The following RAD17 variants were observed in gnomAD, a reference collection of about 807,000 sequenced individuals.
RAD17 encodes RAD17 checkpoint clamp loader component, also known as cell cycle checkpoint protein RAD17.
RAD17 carries 31 observed loss-of-function variants against 81.5 expected under a neutral mutation model. The ratio of observed to expected loss-of-function variants is 0.38; its 90% CI spans 0.29 to 0.51. RAD17 has a LOEUF of 0.51. RAD17 is among the 20% of genes least tolerant of loss of function. The pLI is 0.88. For synonymous variants in RAD17, 261 were observed against 266.2 expected (o/e 0.98, Z 0.19); for missense variants, 681 against 781.2 (o/e 0.87, Z 1.53).
At chr5:69,410,849 T>C (rs1469645404) in intron 18 of RAD17, among the ~76,000 whole-genome samples, 1 of 151,794 alleles carries the variant, frequency 6.6e-6, no homozygotes, top group Non-Finnish European at 1.5e-5. Context: ...TGTTGAGAGA[T>C]GTTCTTAGCC....
chr5:69,411,532 G>A (rs1765999865), intron 18 of RAD17, among the ~76,000 whole-genome samples: 1 of 152,180 alleles, frequency 6.6e-6, no homozygotes, highest in Non-Finnish European at 1.5e-5. Flanking sequence ...GAAAACTCCT[G>A]TGATGTGAGC....
In RAD17 at chr5:69,414,017, T is replaced by C; in HGVS notation, c.1752-14T>C. The C allele has an allele frequency of 6.2e-7, 1 of 1,613,358 alleles. No homozygotes were observed. Among genetic ancestry groups the C allele is most frequent in the Admixed American group, 1.7e-5 (1 of 59,914 alleles). On this transcript the variant is annotated splice_polypyrimidine_tract_variant and intron_variant, in intron 18 of 18. Transcript: ENST00000354868. ...CTTTGGTTCTTATTAATGCCTGCAC[T>C]GTGAATCTGACAGATTGAAAATGGA...
chr5:69,393,269 G>A, intron 14 of RAD17, 29 bp downstream of exon 14: 1 of 1,572,988 alleles, frequency 6.4e-7, no homozygotes, highest in Non-Finnish European at 8.7e-7. Flanking sequence ...CTTAGTATAG[G>A]TTACAAAGGA....
chr5:69,395,624 T>C (rs1764835487), intron 15 of RAD17, among the ~76,000 whole-genome samples: 1 of 152,152 alleles, frequency 6.6e-6, no homozygotes, highest in Non-Finnish European at 1.5e-5. Context: ...TTACACATTG[T>C]ATGCTGGTAT....
In RAD17 at chr5:69,377,453, A is replaced by G. The variant is rs1321630825; in HGVS notation, c.351+2742A>G. 1.2e-3 allele frequency among the ~76,000 whole-genome samples: 9 copies of G among 7,694 alleles called. 2 individuals carry two copies. Among genetic ancestry groups the G allele is most frequent in the Admixed American group, 4.9e-3 (2 of 412 alleles). 5.0% of individuals were successfully genotyped at this position (7,694 alleles called of 152,430 possible). On this transcript the variant is annotated intron_variant, in intron 6 of 18. Transcript: ENST00000354868. ...TGTGTGTGTGTGTATATATATATAT[A>G]TATATATATATATATATATATACAC...
chr5:69,377,527 GTGTATATATACGTA>G (rs1763474120), intron 6 of RAD17, among the ~76,000 whole-genome samples: 3 of 57,172 alleles, frequency 5.2e-5, no homozygotes, highest in African/African-American at 1.9e-4. Flanking sequence ...GTATATATAT[GTGTATATATACGTA>G]TATATATGCA....
At chr5:69,377,063 C>G (rs942868000) in intron 6 of RAD17, among the ~76,000 whole-genome samples, 6 of 152,084 alleles carry the variant, frequency 3.9e-5, no homozygotes, top group Non-Finnish European at 8.8e-5. Context: ...CAATCCTCCT[C>G]TCTTGAACCA....
intron 7 of RAD17, among the ~76,000 whole-genome samples, chr5:69,382,764 G>A (rs919898818): frequency 1.9e-4 from 29 of 152,202 alleles, no homozygotes; most frequent in African/African-American, 7.0e-4. Flanking sequence ...TTGGAAGGAG[G>A]CCTTAAGATA....
intron 7 of RAD17, among the ~76,000 whole-genome samples, chr5:69,384,515 C>T (rs932839108): frequency 1.3e-5 from 2 of 152,140 alleles, no homozygotes; most frequent in Non-Finnish European, 2.9e-5. Context: ...CGGGTTTCAC[C>T]ATGTTGCCCA....
intron 15 of RAD17, among the ~76,000 whole-genome samples, chr5:69,395,688 A>C (rs1237146554): frequency 6.6e-6 from 1 of 152,122 alleles, no homozygotes; most frequent in Non-Finnish European, 1.5e-5. Flanking sequence ...ACCCACACAA[A>C]TTAAAAATTA....
At chr5:69,382,624 T>C (rs1206547928) in intron 7 of RAD17, among the ~76,000 whole-genome samples, 1 of 152,196 alleles carries the variant, frequency 6.6e-6, no homozygotes, top group Non-Finnish European at 1.5e-5. Context: ...TTAACTAAGA[T>C]ATTTTATTTG....
chr5:69,402,406 C>T (rs995438926), intron 17 of RAD17, among the ~76,000 whole-genome samples: 12 of 151,012 alleles, frequency 7.9e-5, no homozygotes, highest in African/African-American at 3.0e-4. Context: ...TGGTTCACGC[C>T]TGTAATCCCA....
At chr5:69,369,566 C>A (rs1467892439), upstream of RAD17, 1 of 1,607,048 alleles carries the variant, frequency 6.2e-7, no homozygotes, top group African/African-American at 1.3e-5. Flanking sequence ...AAGGGGCGGG[C>A]GGCAGCAAAA....
At chr5:69,407,611 C>G (rs1765703997) in intron 17 of RAD17, among the ~76,000 whole-genome samples, 1 of 113,810 alleles carries the variant, frequency 8.8e-6, no homozygotes, top group South Asian at 3.0e-4. Context: ...GAGTCGCCCT[C>G]TGTTGTCCAG....
In RAD17 at chr5:69,371,444, C is replaced by A. The variant is rs951491095; in HGVS notation, c.-279-10C>A. On this transcript the variant is annotated splice_polypyrimidine_tract_variant and intron_variant, in intron 2 of 18. Coordinates refer to ENST00000354868, the MANE Select transcript of RAD17 (RefSeq NM_133338.3). ...TTCATTTGAGGGCTTCTTCCCCCCC[C>A]CCCCCCCAGGTGAATTATAGTTTAA... is the stretch of plus-strand genomic sequence containing the variant. 3.1e-5 allele frequency: 16 copies of A among 511,528 alleles called. 1 individual carries two copies. Among genetic ancestry groups the A allele is most frequent in the Non-Finnish European group, 4.4e-5 (14 of 318,586 alleles). 31.7% of individuals were successfully genotyped at this position (511,528 alleles called of 1,614,324 possible).
chr5:69,370,553 G>A (rs1762888551), intron 1 of RAD17, among the ~76,000 whole-genome samples: 1 of 152,070 alleles, frequency 6.6e-6, no homozygotes, highest in Non-Finnish European at 1.5e-5. Flanking sequence ...TTTTGGCCAG[G>A]CTGGTCTCAA....
intron 16 of RAD17, among the ~76,000 whole-genome samples, chr5:69,397,388 CGCCTTGGCCT>C (rs1218696370): frequency 6.6e-6 from 1 of 150,868 alleles, no homozygotes; most frequent in Non-Finnish European, 1.5e-5. Flanking sequence ...GTGATCTGCC[CGCCTTGGCCT>C]CTCAAAGTGC....
At chr5:69,404,041 A>G (rs760826360) in intron 17 of RAD17, among the ~76,000 whole-genome samples, 5 of 152,216 alleles carry the variant, frequency 3.3e-5, no homozygotes, top group Non-Finnish European at 5.9e-5. Flanking sequence ...GATTAGCACC[A>G]CAGACAGGTG....
rs1762970793 is a variant in RAD17 at position 69,371,347 on chromosome 5, C to T, written c.-279-107C>T. The T allele has an allele frequency of 1.0e-5, 5 of 481,950 alleles. No individual in the cohort carries two copies. In the South Asian group the frequency reaches 1.9e-4, roughly 18 times the overall value. 29.9% of individuals were successfully genotyped at this position (481,950 alleles called of 1,614,324 possible). A position where few individuals can be genotyped will look rare whatever the true frequency, so the allele number is the denominator to read the frequency against. On this transcript the variant is annotated intron_variant, in intron 2 of 18. Coordinates refer to ENST00000354868, the MANE Select transcript of RAD17 (RefSeq NM_133338.3). ...AATTTACTGTTCTTTTTCACTAGTT[C>T]TTGAGCCTTTATTGTATTGTTGATT...
Sources: allele counts gnomAD v4.1 joint callset (sites outside exome capture counted in the v4.1 genomes callset), GRCh38; gene constraint gnomAD v4.1.1; transcripts MANE v1.5; gene names NCBI Gene and HGNC (gene_info 2026-07-23, HGNC 2026-07-21).